The following RBMS2 variants were observed in gnomAD, a reference collection of about 807,000 sequenced individuals.
RBMS2 encodes RNA-binding motif, single-stranded-interacting protein 2.
In RBMS2, 38 loss-of-function variants were observed where a neutral mutation model predicts 58.4. The ratio of observed to expected loss-of-function variants is 0.65; its 90% CI spans 0.50 to 0.85. The LOEUF is 0.85. RBMS2 is among the 40% of genes least tolerant of loss of function. The probability of loss-of-function intolerance (pLI) is 0.00; values close to 1 mark genes in which losing one functional copy is unlikely to be tolerated. For missense variants in RBMS2, 367 were observed against 503.7 expected (o/e 0.73, Z 2.60); for synonymous variants, 151 against 180.7 (o/e 0.84, Z 1.32).
intron 1 of RBMS2, chr12:56,539,769 A>G: frequency 2.3e-6 from 1 of 436,098 alleles, no homozygotes; most frequent in South Asian, 1.6e-5. Context: ...TCCCAGGTTC[A>G]AGTGATTCTC....
At chr12:56,553,980 A>G (rs1878783038) in intron 1 of RBMS2, among the ~76,000 whole-genome samples, 2 of 151,582 alleles carry the variant, frequency 1.3e-5, no homozygotes, top group African/African-American at 4.9e-5. Flanking sequence ...GCATGCCACT[A>G]TGCTCGACTA....
At chr12:56,531,933 T>C (rs1158589898) in intron 1 of RBMS2, among the ~76,000 whole-genome samples, 1 of 151,802 alleles carries the variant, frequency 6.6e-6, no homozygotes, top group African/African-American at 2.4e-5. Context: ...AAAAAAAACA[T>C]TGTGGGCCGG....
At chr12:56,575,394 A>G (rs769079039) in intron 5 of RBMS2, among the ~76,000 whole-genome samples, 2 of 151,884 alleles carry the variant, frequency 1.3e-5, no homozygotes, top group Non-Finnish European at 2.9e-5. Flanking sequence ...CCATGATCAC[A>G]CCACTGCACT....
intron 1 of RBMS2, among the ~76,000 whole-genome samples, chr12:56,523,485 A>T (rs986744061): frequency 6.6e-6 from 1 of 152,210 alleles, no homozygotes; most frequent in Admixed American, 6.5e-5. Context: ...AATTTACTTT[A>T]AAAAAGAAAT....
At chr12:56,562,329 A>G in intron 1 of RBMS2, 88 bp from the exon 2 acceptor site, 2 of 1,282,940 alleles carry the variant, frequency 1.6e-6, no homozygotes, top group Non-Finnish European at 2.2e-6. Flanking sequence ...ATAGTTTGGA[A>G]TCATTTTTTC....
chr12:56,577,463 A>G (rs1883305928), intron 5 of RBMS2, among the ~76,000 whole-genome samples: 4 of 126,232 alleles, frequency 3.2e-5, no homozygotes, highest in Admixed American at 2.4e-4. Context: ...CAAAATTATT[A>G]TTATTATTAT....
At chr12:56,556,487 T>C (rs1879260243) in intron 1 of RBMS2, among the ~76,000 whole-genome samples, 1 of 151,654 alleles carries the variant, frequency 6.6e-6, no homozygotes, top group African/African-American at 2.4e-5. Flanking sequence ...GCGATTCTCC[T>C]GCCTCAGCCT....
chr12:56,569,903 TG>T lies in RBMS2; in HGVS notation c.299del (p.Gly100AlafsTer3). 1.2e-6 allele frequency: 2 copies of T among 1,612,588 alleles called. No homozygotes were observed. The highest frequency in any genetic ancestry group is 2.2e-5 in the South Asian group (2 of 91,042). ...DKTTNKCKGY[G>X]FVDFDSPSAA... ...ATGCTGTTTCCTCTGTTCCAGGCTA[TG>T]GCTTTGTAGATTTTGACAGCCCTTC... On this transcript the variant is annotated frameshift_variant, in exon 4 of 14. Coordinates refer to ENST00000262031, the MANE Select transcript of RBMS2 (RefSeq NM_002898.4). LOFTEE classifies it high-confidence loss of function.
At position 56,575,562 on chromosome 12, in the gene RBMS2, C is replaced by A. The variant is rs535400752; in HGVS notation, c.542+3707C>A. Among the ~76,000 whole-genome samples the A allele has an allele frequency of 3.3e-5, 5 of 151,576 alleles. No homozygotes were observed. The East Asian group carries it at 5.8e-4, about 18-fold the overall frequency. On this transcript the variant is annotated intron_variant, in intron 5 of 13. Coordinates refer to ENST00000262031, the MANE Select transcript of RBMS2 (RefSeq NM_002898.4). ...TCCTAGTCCCCCTTACCCCTACACCCCCCCTCAAAAAAAAAGGGCTATTTT... is the reference window on the plus strand; with the variant it reads ...TCCTAGTCCCCCTTACCCCTACACCACCCCTCAAAAAAAAAGGGCTATTTT...
intron 4 of RBMS2, among the ~76,000 whole-genome samples, chr12:56,571,198 G>T (rs1376282492): frequency 1.3e-5 from 2 of 152,208 alleles, no homozygotes; most frequent in African/African-American, 2.4e-5. Context: ...AGCTTTCAGG[G>T]CTCCGTGGTG....
intron 5 of RBMS2, among the ~76,000 whole-genome samples, chr12:56,577,417 T>A (rs943344001): frequency 6.6e-6 from 1 of 150,642 alleles, no homozygotes; most frequent in Non-Finnish European, 1.5e-5. Context: ...ATCTCAAAAA[T>A]AATAATAATA....
At chr12:56,549,724 A>G (rs1294565796) in intron 1 of RBMS2, among the ~76,000 whole-genome samples, 1 of 152,126 alleles carries the variant, frequency 6.6e-6, no homozygotes, top group African/African-American at 2.4e-5. Context: ...GTCAGGCCCT[A>G]TGCTAGAAAA....
At position 56,595,596 on chromosome 12, in the gene RBMS2, G is replaced by C. The variant is rs1885704763; in HGVS notation, c.*6463G>C. The stretch of plus-strand genomic sequence containing the variant: ...TTTTTTTTTTAAATAAAACACAAAA[G>C]TCTACGTCTTGGTGTCTTATCCGTG... On this transcript the variant is annotated 3_prime_UTR_variant, in exon 14 of 14. Transcript: ENST00000262031. 1 of 150,806 alleles carries C rather than the reference G, an allele frequency of 6.6e-6. No homozygotes were observed. Among genetic ancestry groups the C allele is most frequent in the Admixed American group, 6.6e-5 (1 of 15,146 alleles). 9.3% of individuals were successfully genotyped at this position (150,806 alleles called of 1,614,324 possible). A position where few individuals can be genotyped will look rare whatever the true frequency, so the allele number is the denominator to read the frequency against.
rs1384687418 is a variant in RBMS2 at position 56,596,080 on chromosome 12, A to C, written c.*6947A>C. 2.6e-5 allele frequency: 4 copies of C among 152,714 alleles called. No individual in the cohort carries two copies. The highest frequency in any genetic ancestry group is 4.4e-5 in the Non-Finnish European group (3 of 68,056). 9.5% of individuals were successfully genotyped at this position (152,714 alleles called of 1,614,324 possible). On this transcript the variant is annotated 3_prime_UTR_variant, in exon 14 of 14. Transcript: ENST00000262031. Reference sequence around the variant, plus strand: ...ATTAAAAATGAGATTGGTCCTAAAAATATAGAAAGAAATAAATTTAAATTC... The same window carrying C: ...ATTAAAAATGAGATTGGTCCTAAAACTATAGAAAGAAATAAATTTAAATTC...
intron 5 of RBMS2, among the ~76,000 whole-genome samples, chr12:56,577,513 T>C (rs1307324994): frequency 6.6e-6 from 1 of 150,634 alleles, no homozygotes; most frequent in Non-Finnish European, 1.5e-5. Context: ...CTCACTCGGT[T>C]GTGCAGGCTA....
intron 1 of RBMS2, among the ~76,000 whole-genome samples, chr12:56,547,652 C>CTTT (rs71081378): frequency 7.2e-6 from 1 of 137,990 alleles, no homozygotes; most frequent in Non-Finnish European, 1.6e-5. Context: ...CTTTTCTTTT[C>CTTT]TTTTTTTTTT....
At position 56,533,039 on chromosome 12, in the gene RBMS2, A is replaced by G. The variant is rs191318556; in HGVS notation, c.66+10950A>G. Among the ~76,000 whole-genome samples, 632 of 151,992 alleles carry G rather than the reference A, an allele frequency of 4.2e-3. 5 individuals are homozygous for G. The highest frequency in any genetic ancestry group is 0.015 in the African/African-American group (609 of 41,424). On this transcript the variant is annotated intron_variant, in intron 1 of 13. Coordinates refer to ENST00000262031, the MANE Select transcript of RBMS2 (RefSeq NM_002898.4). ...AGCCTCGACCTCCCTGGCTCAAGCAATCCTCCCACCTCAGCCTCCTGAGTA... is the reference window on the plus strand; with the variant it reads ...AGCCTCGACCTCCCTGGCTCAAGCAGTCCTCCCACCTCAGCCTCCTGAGTA...
intron 2 of RBMS2, among the ~76,000 whole-genome samples, chr12:56,562,987 G>A (rs1218276202): frequency 1.3e-5 from 2 of 152,144 alleles, no homozygotes; most frequent in Non-Finnish European, 2.9e-5. Context: ...GCCGGGCATG[G>A]TGGCGGGTGC....
chr12:56,573,691 C>T (rs1882703012), intron 5 of RBMS2, among the ~76,000 whole-genome samples: 1 of 151,700 alleles, frequency 6.6e-6, no homozygotes, highest in African/African-American at 2.4e-5. Flanking sequence ...AATAGTTTTT[C>T]ACCCTAGACC....
Sources: gnomAD v4.1 joint callset for allele counts (sites outside exome capture counted in the v4.1 genomes callset) on GRCh38, gnomAD v4.1.1 for gene constraint, MANE v1.5 for transcripts, NCBI Gene and HGNC (gene_info 2026-07-23, HGNC 2026-07-21) for gene names.